CDH23: variants seen among roughly 807,000 people sequenced by gnomAD.
The protein encoded by CDH23 is cadherin related 23.
Under a neutral mutation model 317.1 loss-of-function variants are expected in CDH23, and 189 were observed. The ratio of observed to expected loss-of-function variants is 0.60; its 90% confidence interval spans 0.53 to 0.67. The LOEUF is 0.67. Among genes scored for constraint, CDH23 ranks in the 30% least tolerant of loss-of-function variants. The probability of loss-of-function intolerance (pLI) is 0.00; values close to 1 mark genes in which losing one functional copy is unlikely to be tolerated. For synonymous variants in CDH23, 1,839 were observed against 1,876.8 expected (o/e 0.98, Z 0.52); for missense variants, 4,401 against 4,592.4 (o/e 0.96, Z 1.20).
intron 6 of CDH23, among the ~76,000 whole-genome samples, chr10:71,550,559 C>CAAAAAAAAAAAAA (rs1222399834): frequency 2.2e-5 from 1 of 45,682 alleles, no homozygotes; most frequent in South Asian, 9.4e-4. Flanking sequence ...GACCCTGTCT[C>CAAAAAAAAAAAAA]AAAAAAAAAA....
At chr10:71,628,560 G>A (rs561241442) in intron 11 of CDH23, among the ~76,000 whole-genome samples, 41 of 152,138 alleles carry the variant, frequency 2.7e-4, no homozygotes, top group Admixed American at 1.6e-3. Context: ...GTGCAGTGGC[G>A]CAATCTTGGC....
intron 6 of CDH23, among the ~76,000 whole-genome samples, chr10:71,546,891 G>A (rs1307140808): frequency 6.6e-6 from 1 of 152,220 alleles, no homozygotes; most frequent in Non-Finnish European, 1.5e-5. Context: ...AGTGCTCGGT[G>A]AATATTTGTT....
rs2305207 is a variant in CDH23, at chr10:71,645,960, G to A, written c.1270G>A (p.Val424Met). Residue 424 changes from valine to methionine, a missense_variant, in exon 13 of 70, where the codon GTG (valine) becomes ATG (methionine). Physicochemically the swap from Val to Met is conservative, Grantham distance 21. Coordinates refer to ENST00000224721, the MANE Select transcript of CDH23 (RefSeq NM_022124.6). ...RVAIPLDYET[V>M]DRYDFDLFAN... ...GGCCATCCCACTGGACTACGAGACC[G>A]TGGACCGCTACGACTTTGATGTAAG... 172 of 1,612,916 alleles carry A rather than the reference G, an allele frequency of 1.1e-4. 1 individual carries two copies. In the South Asian group the frequency reaches 1.5e-3, roughly 14 times the overall value.
intron 3 of CDH23, among the ~76,000 whole-genome samples, chr10:71,455,131 T>C (rs572895123): frequency 3.0e-4 from 45 of 152,206 alleles, no homozygotes; most frequent in Non-Finnish European, 5.6e-4. Context: ...CATGAGCCAC[T>C]GCACCTGGCC....
At chr10:71,425,219 CAG>C (rs747974359) in intron 1 of CDH23, among the ~76,000 whole-genome samples, 1 of 55,152 alleles carries the variant, frequency 1.8e-5, no homozygotes. Flanking sequence ...CACAGTGGGG[CAG>C]AGAGAGAGAG....
chr10:71,713,190 G>T, intron 28 of CDH23: 2 of 779,360 alleles, frequency 2.6e-6, no homozygotes, highest in Non-Finnish European at 4.8e-6. Context: ...GAACAGAGCT[G>T]CTTTCACAGA....
At chr10:71,753,000 C>T (rs750511492) in intron 38 of CDH23, 10 of 1,612,756 alleles carry the variant, frequency 6.2e-6, no homozygotes, top group Admixed American at 3.3e-5. Flanking sequence ...AGCTCCTGGG[C>T]ACCTAGGGAC....
chr10:71,685,281 C>T (rs1864827231), intron 18 of CDH23, among the ~76,000 whole-genome samples: 1 of 152,224 alleles, frequency 6.6e-6, no homozygotes, highest in African/African-American at 2.4e-5. Flanking sequence ...GGGGACAACA[C>T]TTTGAGGAGC....
At chr10:71,711,393 T>C (rs1350764854) in intron 27 of CDH23, among the ~76,000 whole-genome samples, 2 of 152,152 alleles carry the variant, frequency 1.3e-5, no homozygotes, top group South Asian at 4.1e-4. Context: ...GGAAGAAGGA[T>C]GGCGTCACCC....
chr10:71,780,962 G>T (rs1033270221), intron 41 of CDH23, among the ~76,000 whole-genome samples: 1 of 152,206 alleles, frequency 6.6e-6, no homozygotes, highest in Non-Finnish European at 1.5e-5. Context: ...AGGTTTTGGC[G>T]TGAGCAACCC....
At chr10:71,408,228 C>T (rs1422075589) in intron 1 of CDH23, among the ~76,000 whole-genome samples, 1 of 152,118 alleles carries the variant, frequency 6.6e-6, no homozygotes, top group Non-Finnish European at 1.5e-5. Flanking sequence ...TTATTAAGCA[C>T]CTACTGTTTG....
intron 11 of CDH23, among the ~76,000 whole-genome samples, chr10:71,635,837 G>A (rs1862243363): frequency 6.6e-6 from 1 of 152,138 alleles, no homozygotes; most frequent in East Asian, 1.9e-4. Flanking sequence ...ATTTCTCTCA[G>A]TTCTGGAGGC....
At chr10:71,557,005 C>T (rs1413992191) in intron 6 of CDH23, among the ~76,000 whole-genome samples, 3 of 152,194 alleles carry the variant, frequency 2.0e-5, no homozygotes, top group Admixed American at 1.3e-4. Flanking sequence ...ATACACCCTA[C>T]ACAAACATCC....
intron 17 of CDH23, among the ~76,000 whole-genome samples, chr10:71,680,484 A>G (rs1864573366): frequency 1.3e-5 from 2 of 152,276 alleles, no homozygotes; most frequent in Middle Eastern, 3.4e-3. Context: ...GCGGTGGCTC[A>G]CGTCTGTAAT....
In CDH23 at chr10:71,623,951, G is replaced by A. The variant is rs183784050; in HGVS notation, c.1134+6558G>A. 3.5e-4 allele frequency among the ~76,000 whole-genome samples: 54 copies of A among 152,300 alleles called. 1 individual carries two copies. Among genetic ancestry groups the A allele is most frequent in the East Asian group, 7.7e-4 (4 of 5,188 alleles). On this transcript the variant is annotated intron_variant, in intron 11 of 69. Transcript: ENST00000224721. Reference sequence around the variant, plus strand: ...AGGTTCTCAGCCCAGTTCTTCTTCCGCATTCAGGTGCGATTCCAGGCAAGA... The same window carrying A: ...AGGTTCTCAGCCCAGTTCTTCTTCCACATTCAGGTGCGATTCCAGGCAAGA...
At chr10:71,712,338 G>A (rs1866005240) in intron 27 of CDH23, 1 of 258,658 alleles carries the variant, frequency 3.9e-6, no homozygotes, top group Non-Finnish European at 7.5e-6. Flanking sequence ...ACATGGGTCT[G>A]TTTTTTTTGG....
chr10:71,548,405 G>A (rs908023581), intron 6 of CDH23, among the ~76,000 whole-genome samples: 6 of 152,108 alleles, frequency 3.9e-5, no homozygotes, highest in South Asian at 2.1e-4. Flanking sequence ...TGCCTCCACC[G>A]AATACGTCTT....
intron 6 of CDH23, among the ~76,000 whole-genome samples, chr10:71,547,039 A>G (rs764607106): frequency 3.3e-5 from 5 of 152,204 alleles, no homozygotes; most frequent in Non-Finnish European, 4.4e-5. Flanking sequence ...CCTGTTTAAT[A>G]CAGGGCACTG....
Position 71,815,041 on chromosome 10 carries a change from C to G in CDH23, c.9828C>G (p.Leu3276=). ...LRFRHKPPVE[L]KGPDGIHVVH... ...TCCGCCACAAGCCACCAGTGGAGCT[C>G]AAGGGGCCCGATGGGATCCATGTGG... is the stretch of plus-strand genomic sequence containing the variant. Residue 3276 remains leucine (L), a synonymous_variant, in exon 70 of 70, where the codon CTC becomes CTG. Transcript: ENST00000224721. 1.2e-6 allele frequency: 2 copies of G among 1,612,684 alleles called. No homozygotes were observed. The highest frequency in any genetic ancestry group is 1.7e-6 in the Non-Finnish European group (2 of 1,179,730).
Sources: gnomAD v4.1 joint callset for allele counts (sites outside exome capture counted in the v4.1 genomes callset) on GRCh38, gnomAD v4.1.1 for gene constraint, MANE v1.5 for transcripts, NCBI Gene and HGNC (gene_info 2026-07-23, HGNC 2026-07-21) for gene names.